Variants in AVEN observed in about 807,000 individuals in gnomAD.
The protein encoded by AVEN is apoptosis and caspase activation inhibitor, also known as cell death regulator Aven.
In AVEN, 41 loss-of-function variants were observed where a neutral mutation model predicts 38.1. The ratio of observed to expected loss-of-function variants is 1.08; its 90% confidence interval spans 0.84 to 1.40. AVEN has a LOEUF of 1.40. AVEN is among the 40% of genes most tolerant of loss of function. The pLI is 0.00. For synonymous variants in AVEN, 206 were observed against 171.8 expected, an observed-to-expected ratio of 1.20 and a Z score of -1.56; for missense variants, 605 against 438.8, an observed-to-expected ratio of 1.38 and a Z score of -3.38.
downstream of AVEN, among the ~76,000 whole-genome samples, chr15:33,863,716 G>A (rs577255352): frequency 6.6e-6 from 1 of 152,242 alleles, no homozygotes; most frequent in South Asian, 2.1e-4. Flanking sequence ...ACTTTTCCAT[G>A]ACAGATATTC....
downstream of AVEN, among the ~76,000 whole-genome samples, chr15:33,855,522 TA>T (rs1194093078): frequency 6.6e-6 from 1 of 152,156 alleles, no homozygotes. Flanking sequence ...TTTTAAGGTC[TA>T]CCCCTTCCTC....
downstream of AVEN, chr15:33,861,291 A>G (rs1287808702): frequency 5.9e-6 from 4 of 677,106 alleles, no homozygotes; most frequent in African/African-American, 5.4e-5. Flanking sequence ...AACTTCCAGG[A>G]GTCCCCATGA....
At chr15:33,864,606 G>GAGTGA (rs1889805881), downstream of AVEN, among the ~76,000 whole-genome samples, 1 of 151,538 alleles carries the variant, frequency 6.6e-6, no homozygotes, top group Non-Finnish European at 1.5e-5. Flanking sequence ...GTGAGAGGAT[G>GAGTGA]AGTGAAAGGA....
At chr15:33,865,702 C>G (rs1000606106), downstream of AVEN, 1 of 154,612 alleles carries the variant, frequency 6.5e-6, no homozygotes, top group South Asian at 2.0e-4. Context: ...TGACTGTATC[C>G]AGAAAAGCTT....
intron 2 of AVEN, among the ~76,000 whole-genome samples, chr15:33,908,811 G>A (rs989038745): frequency 1.3e-5 from 2 of 152,150 alleles, no homozygotes; most frequent in African/African-American, 4.8e-5. Flanking sequence ...TTCAGTTAAT[G>A]GAGAAACTAC....
intron 2 of AVEN, among the ~76,000 whole-genome samples, chr15:33,998,449 CCT>C (rs767253434): frequency 2.6e-5 from 4 of 152,000 alleles, no homozygotes; most frequent in African/African-American, 4.8e-5. Context: ...ATAAGAAGAC[CCT>C]GTCACTACAA....
chr15:33,863,805 G>C (rs905332076), downstream of AVEN, among the ~76,000 whole-genome samples: 1 of 152,036 alleles, frequency 6.6e-6, no homozygotes, highest in African/African-American at 2.4e-5. Context: ...ATATTCTATG[G>C]TAAGAATTTG....
chr15:33,858,250 G>T, downstream of AVEN: 1 of 234,254 alleles, frequency 4.3e-6, no homozygotes, highest in South Asian at 7.6e-5. Flanking sequence ...TGTCGCCCAG[G>T]CTGGAGTGCA....
rs58379586 is a variant in AVEN, at chr15:34,024,688, TAA to T, written c.267+14090_267+14091del. On this transcript the variant is annotated intron_variant, in intron 1 of 5. Transcript: ENST00000306730. ...CAACATGGTGAAACCCCGTCTCTAC[TAA>T]AAAAAAAAAAAAATACAAAAATTAG... Among the ~76,000 whole-genome samples the T allele has an allele frequency of 8.4e-3, 1,104 of 131,944 alleles. 21 individuals carry two copies. The highest frequency in any genetic ancestry group is 0.029 in the African/African-American group (1,048 of 35,730). The allele number at this position is 131,944 out of a possible 152,430, so 86.6% of individuals were successfully genotyped here. A position where few individuals can be genotyped will look rare whatever the true frequency, so the allele number is the denominator to read the frequency against.
intron 2 of AVEN, among the ~76,000 whole-genome samples, chr15:33,919,192 A>T (rs772982156): frequency 2.0e-5 from 3 of 152,172 alleles, no homozygotes; most frequent in Non-Finnish European, 4.4e-5. Context: ...AATTGCTGAG[A>T]TTACAGGTGC....
rs1567384105 is a variant in AVEN at position 33,867,620 on chromosome 15, T to G, written c.848A>C (p.Glu283Ala). 3 of 1,614,230 alleles carry G rather than the reference T, an allele frequency of 1.9e-6. No homozygotes were observed. Among genetic ancestry groups the G allele is most frequent in the Non-Finnish European group, 2.5e-6 (3 of 1,180,046 alleles). ...SPLQSAGDHLEEELDLLLNLD... is the reference protein window; with the variant it reads ...SPLQSAGDHLAEELDLLLNLD... ...ATTAAGCAACAGATCTAGTTCTTCT[T>G]CCAAATGGTCTCCTGCTGACTGCAG... The change falls in exon 5 of 6, where the codon GAA (glutamate) becomes GCA (alanine). Residue 283 changes from glutamate (E) to alanine (A), a missense_variant. Coordinates refer to ENST00000306730, the MANE Select transcript of AVEN (RefSeq NM_020371.3).
intron 1 of AVEN, among the ~76,000 whole-genome samples, chr15:34,003,901 C>CGA (rs1343190034): frequency 3.3e-5 from 5 of 152,138 alleles, no homozygotes; most frequent in Admixed American, 1.3e-4. Flanking sequence ...GATTAATGAA[C>CGA]ATTCTGATGT....
At chr15:34,048,022 CGT>C (rs71119921) in intron 5 of AVEN, among the ~76,000 whole-genome samples, 4 of 151,354 alleles carry the variant, frequency 2.6e-5, no homozygotes, top group African/African-American at 4.8e-5. Context: ...ACGTCCAGCT[CGT>C]GTGTGTGTGT....
At chr15:34,027,876 C>T (rs368399869) in intron 1 of AVEN, among the ~76,000 whole-genome samples, 5 of 148,742 alleles carry the variant, frequency 3.4e-5, no homozygotes, top group African/African-American at 1.3e-4. Flanking sequence ...AACTGAGGAA[C>T]AAGATGTTCA....
At chr15:34,016,686 CA>C (rs1266576158) in intron 1 of AVEN, among the ~76,000 whole-genome samples, 1 of 152,148 alleles carries the variant, frequency 6.6e-6, no homozygotes, top group African/African-American at 2.4e-5. Flanking sequence ...TAATCAGAAA[CA>C]AATTAAATAC....
chr15:34,024,193 C>T (rs566939844), intron 1 of AVEN, among the ~76,000 whole-genome samples: 2 of 152,158 alleles, frequency 1.3e-5, no homozygotes, highest in African/African-American at 2.4e-5. Flanking sequence ...CAATTCCATG[C>T]ACCCATGAAG....
At chr15:33,873,029 G>A (rs964654786) in intron 3 of AVEN, among the ~76,000 whole-genome samples, 1 of 149,120 alleles carries the variant, frequency 6.7e-6, no homozygotes, top group Non-Finnish European at 1.5e-5. Context: ...TTTTGGACAT[G>A]TCTCCCTATC....
At chr15:33,969,672 C>A (rs765505362) in intron 2 of AVEN, among the ~76,000 whole-genome samples, 2 of 152,042 alleles carry the variant, frequency 1.3e-5, no homozygotes, top group African/African-American at 4.8e-5. Context: ...TCTACTAAAT[C>A]GAGGTATAAC....
At chr15:33,995,201 C>CTGCA (rs1896883814) in intron 2 of AVEN, among the ~76,000 whole-genome samples, 1 of 152,050 alleles carries the variant, frequency 6.6e-6, no homozygotes. Context: ...GAGGTCAAGG[C>CTGCA]TGCAGTGAGC....
Sources: allele counts gnomAD v4.1 joint callset (sites outside exome capture counted in the v4.1 genomes callset), GRCh38; gene constraint gnomAD v4.1.1; transcripts MANE v1.5; gene names NCBI Gene and HGNC (gene_info 2026-07-23, HGNC 2026-07-21).